The following ELL2 variants were observed in gnomAD, a reference collection of about 807,000 sequenced individuals.
ELL2 encodes elongation factor for RNA polymerase II 2.
In ELL2, 21 loss-of-function variants were observed where a neutral mutation model predicts 72.8. That is an observed-to-expected ratio of 0.29 (90% CI 0.20 to 0.42). The LOEUF (loss-of-function observed/expected upper bound fraction) is 0.42. Ranked by LOEUF, ELL2 falls within the 10% of genes least tolerant of loss-of-function variation. ELL2 has a pLI of 1.00. For synonymous variants in ELL2, 266 were observed against 283.2 expected (o/e 0.94, Z 0.61); for missense variants, 568 against 772.8 (o/e 0.73, Z 3.14).
intron 5 of ELL2, among the ~76,000 whole-genome samples, chr5:95,901,650 A>G (rs1749148008): frequency 6.6e-6 from 1 of 152,234 alleles, no homozygotes; most frequent in South Asian, 2.1e-4. Flanking sequence ...TAAAATAAGG[A>G]TTACTTGAAC....
intron 5 of ELL2, among the ~76,000 whole-genome samples, chr5:95,901,645 T>G (rs1329418879): frequency 1.3e-5 from 2 of 152,158 alleles, no homozygotes; most frequent in Non-Finnish European, 2.9e-5. Flanking sequence ...CTAAGTAAAA[T>G]AAGGATTACT....
chr5:95,928,817 T>G (rs1750487661), intron 2 of ELL2, among the ~76,000 whole-genome samples: 1 of 152,220 alleles, frequency 6.6e-6, no homozygotes, highest in Non-Finnish European at 1.5e-5. Flanking sequence ...ACTCTGTCAG[T>G]CTCAAGGGTC....
At chr5:95,913,601 ACTGGCAGTCTG>A in intron 4 of ELL2, 159 bp downstream of exon 4, 1 of 611,952 alleles carries the variant, frequency 1.6e-6, no homozygotes. Flanking sequence ...TCTTCAATTT[ACTGGCAGTCTG>A]AAGAGAACAA....
intron 5 of ELL2, among the ~76,000 whole-genome samples, chr5:95,903,465 G>A (rs1580487868): frequency 6.6e-6 from 1 of 151,440 alleles, no homozygotes; most frequent in South Asian, 2.1e-4. Flanking sequence ...TCCTGACCTC[G>A]TGATCCCCCC....
Position 95,895,668 on chromosome 5 carries a change from A to C in ELL2, c.1549T>G (p.Ser517Ala). The C allele has an allele frequency of 6.2e-7, 1 of 1,614,126 alleles. No homozygotes were observed. Among genetic ancestry groups the C allele is most frequent in the Non-Finnish European group, 8.5e-7 (1 of 1,179,990 alleles). ...SGGVKEDCTA[S>A]MEPSAIELPD... ...AGTTCAATTGCTGAAGGTTCCATGG[A>C]GGCAGTGCAATCCTCTTTAACTCCT... Residue 517 changes from serine (S) to alanine (A), a missense_variant, in exon 9 of 12, where the codon TCC (serine) becomes GCC (alanine). Physicochemically the swap from Ser to Ala is moderately conservative, Grantham distance 99. Transcript: ENST00000237853.
intron 2 of ELL2, among the ~76,000 whole-genome samples, chr5:95,925,482 A>C (rs1157459588): frequency 6.6e-6 from 1 of 152,208 alleles, no homozygotes; most frequent in Non-Finnish European, 1.5e-5. Context: ...CCTTCACTAG[A>C]ATATAAGCTC....
At position 95,887,675 on chromosome 5, in the gene ELL2, GTATGT is replaced by G. The variant is rs2112260002; in HGVS notation, c.*1191_*1195del. On this transcript the variant is annotated 3_prime_UTR_variant, in exon 12 of 12. Coordinates refer to ENST00000237853, the MANE Select transcript of ELL2 (RefSeq NM_012081.6). ...AGTTTGTGCTGTTTGATGAATCACA[GTATGT>G]TATGGTTAAATATATCCACTCTTTT... The G allele has an allele frequency of 6.6e-6, 1 of 152,570 alleles. No individual in the cohort carries two copies. The highest frequency in any genetic ancestry group is 2.1e-4 in the South Asian group (1 of 4,808). 9.5% of individuals were successfully genotyped at this position (152,570 alleles called of 1,614,324 possible). A position where few individuals can be genotyped will look rare whatever the true frequency, so the allele number is the denominator to read the frequency against.
At position 95,950,886 on chromosome 5, in the gene ELL2, A is replaced by G. The variant is rs73771822; in HGVS notation, c.148-7837T>C. ...CATGCCAAGTTTTATTTATATATAT[A>G]TATGTATGTATGTATGTGTATATAT... On this transcript the variant is annotated intron_variant, in intron 1 of 11. Transcript: ENST00000237853. Among the ~76,000 whole-genome samples, 395 of 71,300 alleles carry G rather than the reference A, an allele frequency of 5.5e-3. 3 individuals carry two copies. Among genetic ancestry groups the G allele is most frequent in the African/African-American group, 0.011 (129 of 11,358 alleles). The allele number at this position is 71,300 out of a possible 152,430, so 46.8% of individuals were successfully genotyped here.
chr5:95,927,766 C>CACACACATATGTGTGTATATAGACAT (rs1750434401), intron 2 of ELL2, among the ~76,000 whole-genome samples: 1 of 51,942 alleles, frequency 1.9e-5, no homozygotes, highest in South Asian at 9.2e-4. Context: ...TATAGACATA[C>CACACACATATGTGTGTATATAGACAT]ACACACACAT....
chr5:95,945,286 G>A lies in ELL2; in HGVS notation c.148-2237C>T, dbSNP rs967443713. On this transcript the variant is annotated intron_variant, in intron 1 of 11. Coordinates refer to ENST00000237853, the MANE Select transcript of ELL2 (RefSeq NM_012081.6). The stretch of plus-strand genomic sequence containing the variant: ...TTTATCCTCTTGGTTATCCAGGCTC[G>A]CCACCTTAAAATTAACTTACAGTCT... Among the ~76,000 whole-genome samples, 5 of 152,094 alleles carry A rather than the reference G, an allele frequency of 3.3e-5. No individual in the cohort carries two copies. The East Asian group carries it at 5.8e-4, about 18-fold the overall frequency.
chr5:95,960,694 G>A lies in ELL2; in HGVS notation c.147+881C>T, dbSNP rs1284273918. ...GGGAGCTTTTTCGGGTACGTTGAGC[G>A]TCCGTGAACCTCTCTCTCCAGAACC... On this transcript the variant is annotated intron_variant, in intron 1 of 11. Transcript: ENST00000237853. 2.0e-5 allele frequency among the ~76,000 whole-genome samples: 3 copies of A among 152,066 alleles called. No homozygotes were observed. The East Asian group carries it at 5.8e-4, about 29-fold the overall frequency.
chr5:95,896,843 T>C (rs1396732218), intron 8 of ELL2, among the ~76,000 whole-genome samples: 51 of 152,224 alleles, frequency 3.4e-4, no homozygotes, highest in Non-Finnish European at 4.4e-5. Flanking sequence ...CTTGGAACTC[T>C]GATGTAGATC....
intron 10 of ELL2, among the ~76,000 whole-genome samples, chr5:95,890,299 A>C (rs1255623757): frequency 6.6e-6 from 1 of 152,212 alleles, no homozygotes; most frequent in Non-Finnish European, 1.5e-5. Flanking sequence ...TCTTGAGGAC[A>C]CAAATGCTCT....
intron 2 of ELL2, among the ~76,000 whole-genome samples, chr5:95,923,193 C>T (rs545881808): frequency 2.0e-5 from 3 of 150,642 alleles, no homozygotes; most frequent in Non-Finnish European, 3.0e-5. Context: ...GAGACCAGCC[C>T]GGGCAACACA....
At chr5:95,933,165 C>G (rs1021986112) in intron 2 of ELL2, among the ~76,000 whole-genome samples, 2 of 152,118 alleles carry the variant, frequency 1.3e-5, no homozygotes, top group Non-Finnish European at 2.9e-5. Flanking sequence ...CTGGCACTTT[C>G]GAACAGCTGT....
At chr5:95,953,707 T>A (rs1009315772) in intron 1 of ELL2, among the ~76,000 whole-genome samples, 1 of 151,826 alleles carries the variant, frequency 6.6e-6, no homozygotes, top group Non-Finnish European at 1.5e-5. Context: ...GAACTGCCAA[T>A]AAAAAAGAAA....
chr5:95,952,857 T>C (rs1485414174), intron 1 of ELL2, among the ~76,000 whole-genome samples: 4 of 151,918 alleles, frequency 2.6e-5, no homozygotes, highest in Non-Finnish European at 5.9e-5. Context: ...AGAGAAGAGA[T>C]AGAGACCTCC....
chr5:95,900,655 A>G (rs758428951), intron 7 of ELL2, 38 bp downstream of exon 7: 1 of 1,443,996 alleles, frequency 6.9e-7, no homozygotes, highest in South Asian at 1.4e-5. Context: ...GGCCCCTAAT[A>G]TCTATGTCAG....
intron 5 of ELL2, among the ~76,000 whole-genome samples, chr5:95,906,226 A>T (rs1749354808): frequency 6.6e-6 from 1 of 152,240 alleles, no homozygotes; most frequent in Non-Finnish European, 1.5e-5. Flanking sequence ...ACTTTAGTGT[A>T]TTCAACACTA....
Sources: allele counts gnomAD v4.1 joint callset (sites outside exome capture counted in the v4.1 genomes callset), GRCh38; gene constraint gnomAD v4.1.1; transcripts MANE v1.5; gene names NCBI Gene and HGNC (gene_info 2026-07-23, HGNC 2026-07-21).